The following ZC3H12B variants were observed in gnomAD, a reference collection of about 807,000 sequenced individuals.
ZC3H12B encodes zinc finger CCCH-type containing 12B, also known as probable ribonuclease ZC3H12B.
Under a neutral mutation model 43.9 loss-of-function variants are expected in ZC3H12B, and 7 were observed. That is an observed-to-expected ratio of 0.16 (90% CI 0.09 to 0.30). The LOEUF is 0.30. ZC3H12B is among the 10% of genes least tolerant of loss of function. ZC3H12B has a pLI of 1.00. For missense variants in ZC3H12B, 475 were observed against 670.2 expected (o/e 0.71, Z 3.22); for synonymous variants, 222 against 241.7 (o/e 0.92, Z 0.76).
chrX:65,037,488 T>C, the ZC3H12B span, among the ~76,000 whole-genome samples: 13 of 112,221 alleles, frequency 1.2e-4, no homozygotes, highest in African/African-American at 4.2e-4. Flanking sequence ...ATAAACTACA[T>C]ACTAAATTAA....
chrX:65,170,500 C>G, the ZC3H12B span, among the ~76,000 whole-genome samples: 1 of 111,307 alleles, frequency 9.0e-6, no homozygotes. Flanking sequence ...GTGAATCTGA[C>G]AATTATTTGT....
At chrX:65,105,326 CTGTT>C in the ZC3H12B span, among the ~76,000 whole-genome samples, 5 of 111,111 alleles carry the variant, frequency 4.5e-5, no homozygotes, top group African/African-American at 9.8e-5. Context: ...ACCTAAATGA[CTGTT>C]TGATAGGTGC....
At chrX:65,455,838 A>G (rs1396337465) in intron 3 of ZC3H12B, among the ~76,000 whole-genome samples, 3 of 112,123 alleles carry the variant, frequency 2.7e-5, no homozygotes, top group Non-Finnish European at 5.6e-5. Flanking sequence ...TTCTTAAAGG[A>G]AAGAATTTTC....
Position 65,412,133 on chromosome X carries a change from C to A in ZC3H12B, n.407+13429C>A, listed in dbSNP as rs772446226. Among the ~76,000 whole-genome samples the A allele has an allele frequency of 3.6e-5, 4 of 111,197 alleles. No homozygotes were observed. In the South Asian group the frequency reaches 1.1e-3, roughly 31 times the overall value. On this transcript the variant is annotated intron_variant and non_coding_transcript_variant, in intron 3 of 5. Transcript: ENST00000617377. ...AAAGTAAAACCCTTTACCCATTAAGCAGTTTCTTCAATTCCCCAATGCCCT... is the reference window on the plus strand; with the variant it reads ...AAAGTAAAACCCTTTACCCATTAAGAAGTTTCTTCAATTCCCCAATGCCCT...
chrX:65,307,646 G>A, the ZC3H12B span, among the ~76,000 whole-genome samples: 2 of 111,665 alleles, frequency 1.8e-5, no homozygotes, highest in Non-Finnish European at 3.8e-5. Flanking sequence ...TTATCTGTGA[G>A]ACAGTATCAA....
chrX:65,198,147 TA>T, the ZC3H12B span, among the ~76,000 whole-genome samples: 1 of 112,181 alleles, frequency 8.9e-6, no homozygotes, highest in Admixed American at 9.5e-5. Context: ...GAAACTTATC[TA>T]AATAATTTCA....
At chrX:65,191,763 A>G in the ZC3H12B span, among the ~76,000 whole-genome samples, 1 of 108,964 alleles carries the variant, frequency 9.2e-6, no homozygotes. Flanking sequence ...TCCTGGATTC[A>G]TTGGTTTTTT....
the ZC3H12B span, among the ~76,000 whole-genome samples, chrX:65,245,943 C>T: frequency 9.0e-6 from 1 of 110,823 alleles, no homozygotes; most frequent in Non-Finnish European, 1.9e-5. Context: ...AAAGAAAGGG[C>T]ATCCAAATAG....
the ZC3H12B span, among the ~76,000 whole-genome samples, chrX:65,116,724 A>G: frequency 1.8e-5 from 2 of 108,510 alleles, no homozygotes; most frequent in Admixed American, 2.0e-4. Context: ...CCTCCCCCCA[A>G]ACCACAACAG....
At chrX:65,404,892 G>T (rs2066804662) in intron 3 of ZC3H12B, among the ~76,000 whole-genome samples, 1 of 112,048 alleles carries the variant, frequency 8.9e-6, no homozygotes, top group Admixed American at 9.4e-5. Context: ...TCTGTTGGTG[G>T]CAGAATACAC....
the ZC3H12B span, among the ~76,000 whole-genome samples, chrX:65,226,306 C>T: frequency 9.0e-6 from 1 of 111,084 alleles, no homozygotes; most frequent in Non-Finnish European, 1.9e-5. Context: ...AAATCCTTTA[C>T]AGACAAGCAA....
At chrX:65,499,177 A>G (rs1210421635) in exon 3 of ZC3H12B, 1 of 1,209,453 alleles carries the variant, frequency 8.3e-7, no homozygotes, top group South Asian at 1.8e-5. Context: ...TTGAAAAGCC[A>G]GAATGGAAGA....
chrX:65,450,224 G>GA (rs767605810), intron 3 of ZC3H12B, among the ~76,000 whole-genome samples: 25 of 101,181 alleles, frequency 2.5e-4, no homozygotes, highest in Non-Finnish European at 4.9e-4. Flanking sequence ...AGAATTACTT[G>GA]AACCGGGAGT....
At chrX:65,292,174 A>G in the ZC3H12B span, among the ~76,000 whole-genome samples, 1 of 112,110 alleles carries the variant, frequency 8.9e-6, no homozygotes. Context: ...GGTTTGATGT[A>G]ATTAACATCT....
chrX:65,163,298 C>T, the ZC3H12B span, among the ~76,000 whole-genome samples: 8 of 111,444 alleles, frequency 7.2e-5, no homozygotes, highest in Middle Eastern at 4.6e-3. Context: ...CTGTCTTCAA[C>T]GCTGTCAGAC....
chrX:65,152,892 T>G, the ZC3H12B span, among the ~76,000 whole-genome samples: 1 of 111,267 alleles, frequency 9.0e-6, no homozygotes, highest in Admixed American at 9.6e-5. Context: ...GAGATATAGA[T>G]AAATGGAACA....
At chrX:65,171,747 GC>G in the ZC3H12B span, among the ~76,000 whole-genome samples, 1 of 110,649 alleles carries the variant, frequency 9.0e-6, no homozygotes, top group Admixed American at 9.6e-5. Context: ...AATGGTGGAC[GC>G]CCCTCCCCCA....
chrX:65,068,682 CTG>C, the ZC3H12B span, among the ~76,000 whole-genome samples: 3 of 111,366 alleles, frequency 2.7e-5, no homozygotes, highest in African/African-American at 6.5e-5. Context: ...TTATAATATT[CTG>C]TGTTTTTCTG....
At chrX:65,113,214 G>A in the ZC3H12B span, among the ~76,000 whole-genome samples, 3 of 111,788 alleles carry the variant, frequency 2.7e-5, no homozygotes, top group South Asian at 3.7e-4. Context: ...CAACTATAAC[G>A]GATGAAGAGT....
Sources: gnomAD v4.1 joint callset for allele counts (sites outside exome capture counted in the v4.1 genomes callset) on GRCh38, gnomAD v4.1.1 for gene constraint, MANE v1.5 for transcripts, NCBI Gene and HGNC (gene_info 2026-07-23, HGNC 2026-07-21) for gene names.